Variants in ENPP2 observed in about 807,000 individuals in gnomAD.
ENPP2 encodes autotaxin.
ENPP2 carries 51 observed loss-of-function variants against 120.2 expected under a neutral mutation model. The ratio of observed to expected loss-of-function variants is 0.42; its 90% CI spans 0.34 to 0.54. ENPP2 has a LOEUF of 0.54. Among genes scored for constraint, ENPP2 ranks in the 20% least tolerant of loss-of-function variants. The probability of loss-of-function intolerance (pLI) is 0.04; values close to 1 mark genes in which losing one functional copy is unlikely to be tolerated. For missense variants in ENPP2, 920 were observed against 1,066.5 expected (o/e 0.86, Z 1.91); for synonymous variants, 365 against 366.4 (o/e 1.00, Z 0.04).
At chr8:119,609,553 C>A (rs1814948636) in intron 8 of ENPP2, among the ~76,000 whole-genome samples, 1 of 152,080 alleles carries the variant, frequency 6.6e-6, no homozygotes, top group Admixed American at 6.6e-5. Flanking sequence ...TCCAGGAACC[C>A]CAGCCCAACT....
At chr8:119,648,340 T>C (rs1817533383) in intron 1 of ENPP2, among the ~76,000 whole-genome samples, 2 of 152,220 alleles carry the variant, frequency 1.3e-5, no homozygotes, top group South Asian at 2.1e-4. Flanking sequence ...CCTTTATTTA[T>C]GGAGAGATTA....
intron 8 of ENPP2, among the ~76,000 whole-genome samples, chr8:119,614,449 G>A (rs144172004): frequency 1.3e-5 from 2 of 152,266 alleles, no homozygotes; most frequent in African/African-American, 4.8e-5. Context: ...GTCAGCATGA[G>A]GAGAGTACTA....
At chr8:119,633,378 T>C (rs1226694341) in intron 2 of ENPP2, among the ~76,000 whole-genome samples, 3 of 152,216 alleles carry the variant, frequency 2.0e-5, no homozygotes, top group Non-Finnish European at 2.9e-5. Flanking sequence ...CCATTCTCCT[T>C]GGTTCTTAGC....
intron 11 of ENPP2, 61 bp downstream of exon 11, chr8:119,600,617 G>T: frequency 9.9e-7 from 1 of 1,005,962 alleles, no homozygotes; most frequent in Non-Finnish European, 1.6e-6. Context: ...CTGAAATAAA[G>T]TCAGTAGATC....
intron 3 of ENPP2, among the ~76,000 whole-genome samples, chr8:119,625,676 T>A (rs766919693): frequency 6.6e-6 from 1 of 152,194 alleles, no homozygotes; most frequent in Admixed American, 6.5e-5. Context: ...CTTTCTCAGA[T>A]AGTTTGTGTA....
At chr8:119,612,354 A>C (rs1040099978) in intron 8 of ENPP2, among the ~76,000 whole-genome samples, 1 of 152,224 alleles carries the variant, frequency 6.6e-6, no homozygotes, top group Admixed American at 6.5e-5. Context: ...CTTTATCAGG[A>C]CAATAAAACA....
chr8:119,669,782 C>T (rs1023580283), intron 1 of ENPP2, among the ~76,000 whole-genome samples: 3 of 152,140 alleles, frequency 2.0e-5, no homozygotes, highest in African/African-American at 7.2e-5. Flanking sequence ...CTGAGAAGGA[C>T]CTTGGTCTCA....
At chr8:119,627,162 A>T (rs1424221329) in intron 2 of ENPP2, among the ~76,000 whole-genome samples, 1 of 152,138 alleles carries the variant, frequency 6.6e-6, no homozygotes, top group Admixed American at 6.6e-5. Flanking sequence ...CTATTTAAAA[A>T]TCCAAAACTT....
chr8:119,587,594 G>A (rs1813204081), intron 13 of ENPP2, among the ~76,000 whole-genome samples: 1 of 152,086 alleles, frequency 6.6e-6, no homozygotes, highest in Non-Finnish European at 1.5e-5. Context: ...AATTACACAG[G>A]TAGCCGCACC....
At chr8:119,564,476 A>G (rs1814232165) in intron 23 of ENPP2, among the ~76,000 whole-genome samples, 1 of 152,006 alleles carries the variant, frequency 6.6e-6, no homozygotes, top group African/African-American at 2.4e-5. Flanking sequence ...TCAGGAGTTC[A>G]AGACCAGCCT....
chr8:119,569,516 C>G (rs1432969175), intron 20 of ENPP2, 146 bp from the exon 21 acceptor site: 2 of 703,718 alleles, frequency 2.8e-6, no homozygotes, highest in East Asian at 6.0e-5. Context: ...AGTCTGACTT[C>G]TTTTTAAAAG....
At chr8:119,666,088 C>T (rs968877644) in intron 1 of ENPP2, among the ~76,000 whole-genome samples, 8 of 152,154 alleles carry the variant, frequency 5.3e-5, no homozygotes, top group Non-Finnish European at 1.2e-4. Context: ...AAGCAGGTTA[C>T]ACAAGGCTAT....
At chr8:119,631,028 G>A (rs1490149679) in intron 2 of ENPP2, among the ~76,000 whole-genome samples, 1 of 150,430 alleles carries the variant, frequency 6.6e-6, no homozygotes, top group African/African-American at 2.4e-5. Flanking sequence ...CCGAGTAGCT[G>A]GAATAACAGG....
chr8:119,574,487 T>A (rs1282186290), intron 19 of ENPP2, among the ~76,000 whole-genome samples: 1 of 151,930 alleles, frequency 6.6e-6, no homozygotes, highest in Non-Finnish European at 1.5e-5. Flanking sequence ...TACAATAGTG[T>A]CTCTGGCAGT....
chr8:119,557,723 G>A (rs1487003200), intron 24 of ENPP2, 32 bp from the exon 25 acceptor site: 8 of 1,512,922 alleles, frequency 5.3e-6, no homozygotes, highest in South Asian at 1.3e-5. Context: ...ATCAGAATCA[G>A]AATTTTCCAG....
At chr8:119,593,704 G>C in intron 12 of ENPP2, 48 bp downstream of exon 12, 2 of 1,154,298 alleles carry the variant, frequency 1.7e-6, no homozygotes, top group Non-Finnish European at 2.6e-6. Context: ...AATATGATCA[G>C]AAACATTATC....
chr8:119,649,931 T>G (rs570478146), intron 1 of ENPP2, among the ~76,000 whole-genome samples: 7 of 152,324 alleles, frequency 4.6e-5, no homozygotes, highest in African/African-American at 1.4e-4. Context: ...AAACATGAAC[T>G]GTAAAATGAT....
chr8:119,608,786 T>C (rs961203350), intron 8 of ENPP2, among the ~76,000 whole-genome samples: 3 of 152,234 alleles, frequency 2.0e-5, no homozygotes, highest in African/African-American at 7.2e-5. Flanking sequence ...AGGATTATTC[T>C]AAGCTTTAAT....
intron 1 of ENPP2, among the ~76,000 whole-genome samples, chr8:119,661,412 G>A (rs185561678): frequency 6.6e-6 from 1 of 152,308 alleles, no homozygotes; most frequent in East Asian, 1.9e-4. Flanking sequence ...CAGGAAAGCT[G>A]CTCAACATCA....
Sources: gnomAD v4.1 joint callset for allele counts (sites outside exome capture counted in the v4.1 genomes callset) on GRCh38, gnomAD v4.1.1 for gene constraint, MANE v1.5 for transcripts, NCBI Gene and HGNC (gene_info 2026-07-23, HGNC 2026-07-21) for gene names.